The following ELOVL6 variants were observed in gnomAD, a reference collection of about 807,000 sequenced individuals.
ELOVL6 encodes very long chain fatty acid elongase 6.
ELOVL6 carries 8 observed loss-of-function variants against 31.7 expected under a neutral mutation model. The observed-to-expected ratio is 0.25, with a 90% CI of 0.15 to 0.45. The LOEUF is 0.45. Among genes scored for constraint, ELOVL6 ranks in the 20% least tolerant of loss-of-function variants. The probability of loss-of-function intolerance (pLI) is 1.00; values close to 1 mark genes in which losing one functional copy is unlikely to be tolerated. For synonymous variants in ELOVL6, 101 were observed against 117.7 expected (o/e 0.86, Z 0.92); for missense variants, 126 against 326.4 (o/e 0.39, Z 4.73).
chr4:110,085,308 G>T (rs1756227373), intron 2 of ELOVL6, among the ~76,000 whole-genome samples: 2 of 152,214 alleles, frequency 1.3e-5, no homozygotes, highest in African/African-American at 4.8e-5. Flanking sequence ...GGCCAAACAG[G>T]AAGCCAACTG....
At chr4:110,183,833 T>C (rs368610255) in intron 1 of ELOVL6, among the ~76,000 whole-genome samples, 1 of 152,136 alleles carries the variant, frequency 6.6e-6, no homozygotes, top group East Asian at 1.9e-4. Context: ...AATACAAAAA[T>C]TAGCCATGCG....
chr4:110,120,410 C>A (rs2126253461), intron 1 of ELOVL6, among the ~76,000 whole-genome samples: 1 of 151,358 alleles, frequency 6.6e-6, no homozygotes, highest in African/African-American at 2.4e-5. Context: ...AGTCTAAGGC[C>A]TTTTTTGATC....
rs1365877601 is a variant in ELOVL6, at chr4:110,051,305, C to G, written c.*33G>C. On this transcript the variant is annotated 3_prime_UTR_variant, in exon 4 of 4. Transcript: ENST00000302274. The surrounding 1 kb of genome is among the most constrained non-coding windows in gnomAD (Gnocchi z 4.8). ...TTTTGTCTATTATTTTTCTTGATGACCCTGAGCTATGGCTTCCTCCTCAGT... is the reference window on the plus strand; with the variant it reads ...TTTTGTCTATTATTTTTCTTGATGAGCCTGAGCTATGGCTTCCTCCTCAGT... 5 of 1,599,730 alleles carry G rather than the reference C, an allele frequency of 3.1e-6. No homozygotes were observed. Among genetic ancestry groups the G allele is most frequent in the Non-Finnish European group, 4.3e-6 (5 of 1,171,594 alleles).
intron 1 of ELOVL6, among the ~76,000 whole-genome samples, chr4:110,141,360 G>GCCACCC (rs1757950469): frequency 6.6e-6 from 1 of 152,144 alleles, no homozygotes; most frequent in African/African-American, 2.4e-5. Context: ...ACCGTGCCCG[G>GCCACCC]CTGGAGCATT....
chr4:110,136,516 C>A (rs1249473589), intron 1 of ELOVL6, among the ~76,000 whole-genome samples: 4 of 152,194 alleles, frequency 2.6e-5, no homozygotes, highest in African/African-American at 9.7e-5. Flanking sequence ...GAGCAATCAG[C>A]ACTTCCTTAC....
chr4:110,084,121 A>T lies in ELOVL6; in HGVS notation c.221+21376T>A, dbSNP rs1446696453. Among the ~76,000 whole-genome samples the T allele has an allele frequency of 8.4e-4, 70 of 83,804 alleles. 10 individuals carry two copies. Among genetic ancestry groups the T allele is most frequent in the African/African-American group, 3.7e-3 (47 of 12,850 alleles). The allele number at this position is 83,804 out of a possible 152,430, so 55.0% of individuals were successfully genotyped here. ...ATATATGATATATATGATATATATAACATATATGTGATAATGATATATATG... is the reference window on the plus strand; with the variant it reads ...ATATATGATATATATGATATATATATCATATATGTGATAATGATATATATG... On this transcript the variant is annotated intron_variant, in intron 2 of 3. Coordinates refer to ENST00000302274, the MANE Select transcript of ELOVL6 (RefSeq NM_024090.3).
intron 1 of ELOVL6, among the ~76,000 whole-genome samples, chr4:110,135,065 C>T (rs562414462): frequency 1.6e-4 from 24 of 152,168 alleles, no homozygotes; most frequent in African/African-American, 2.4e-4. Context: ...CACTAACAGA[C>T]GTATAAAATA....
intron 1 of ELOVL6, among the ~76,000 whole-genome samples, chr4:110,192,131 A>C (rs28629280): frequency 0.054 from 8,135 of 151,718 alleles, 248 homozygotes; most frequent in African/African-American, 0.074. Context: ...CAGAGGTTGC[A>C]GTAAGCCGAG....
At chr4:110,195,187 TA>T (rs1215344998) in intron 1 of ELOVL6, among the ~76,000 whole-genome samples, 2 of 152,116 alleles carry the variant, frequency 1.3e-5, no homozygotes, top group Non-Finnish European at 2.9e-5. Context: ...AAATAAAAAC[TA>T]AAAGCTTTAA....
chr4:110,144,277 A>T (rs1294229899), intron 1 of ELOVL6, among the ~76,000 whole-genome samples: 2 of 152,158 alleles, frequency 1.3e-5, no homozygotes, highest in Non-Finnish European at 2.9e-5. Flanking sequence ...TCCAATCAAG[A>T]ATCCTTATCT....
At chr4:110,183,809 C>G (rs1306811737) in intron 1 of ELOVL6, among the ~76,000 whole-genome samples, 1 of 152,064 alleles carries the variant, frequency 6.6e-6, no homozygotes, top group African/African-American at 2.4e-5. Context: ...TGGGGAAATC[C>G]CATCTCTACA....
In ELOVL6 at chr4:110,046,052, A is replaced by C. The variant is rs2126216671; in HGVS notation, c.*5286T>G. 1 of 152,326 alleles carries C rather than the reference A, an allele frequency of 6.6e-6. No homozygotes were observed. The highest frequency in any genetic ancestry group is 1.9e-4 in the East Asian group (1 of 5,172). The allele number at this position is 152,326 out of a possible 1,614,324, so 9.4% of individuals were successfully genotyped here. A position where few individuals can be genotyped will look rare whatever the true frequency, so the allele number is the denominator to read the frequency against. On this transcript the variant is annotated 3_prime_UTR_variant, in exon 4 of 4. Coordinates refer to ENST00000302274, the MANE Select transcript of ELOVL6 (RefSeq NM_024090.3). ...GCTGAATCTTCCAGTGGTTTTCAAG[A>C]TAGCAGCAAGCAACCTCCTGCCTGA...
At chr4:110,195,047 T>C (rs1759731917) in intron 1 of ELOVL6, among the ~76,000 whole-genome samples, 2 of 152,168 alleles carry the variant, frequency 1.3e-5, no homozygotes, top group Non-Finnish European at 2.9e-5. Context: ...GATTTTATGG[T>C]TTCCTCAAGT....
intron 2 of ELOVL6, among the ~76,000 whole-genome samples, chr4:110,071,399 T>G (rs772203896): frequency 1.3e-5 from 2 of 152,226 alleles, no homozygotes; most frequent in African/African-American, 2.4e-5. Flanking sequence ...TATACCTTAC[T>G]CCTCACTGAA....
At chr4:110,181,074 G>A (rs987428625) in intron 1 of ELOVL6, among the ~76,000 whole-genome samples, 35 of 151,878 alleles carry the variant, frequency 2.3e-4, no homozygotes, top group African/African-American at 8.5e-4. Context: ...GGCATTCGAG[G>A]TTACAGTGAG....
At chr4:110,084,572 A>ATATATATT (rs1560815849) in intron 2 of ELOVL6, among the ~76,000 whole-genome samples, 9 of 42,374 alleles carry the variant, frequency 2.1e-4, no homozygotes, top group African/African-American at 1.6e-3. Context: ...AGATATATAT[A>ATATATATT]TATATATATA....
chr4:110,063,968 C>T (rs1188868547), intron 2 of ELOVL6, among the ~76,000 whole-genome samples: 5 of 150,526 alleles, frequency 3.3e-5, no homozygotes, highest in Non-Finnish European at 5.9e-5. Flanking sequence ...ATCCTAGCTA[C>T]TTGGGAGGGT....
intron 1 of ELOVL6, among the ~76,000 whole-genome samples, chr4:110,184,777 C>T (rs1011164287): frequency 5.9e-5 from 9 of 152,098 alleles, no homozygotes; most frequent in Non-Finnish European, 1.0e-4. Context: ...ACTGGTCCCA[C>T]ATAGATGACA....
rs1375871465 is a variant in ELOVL6 at position 110,050,958 on chromosome 4, TTTCATCTTA to T, written c.*371_*379del. On this transcript the variant is annotated 3_prime_UTR_variant, in exon 4 of 4. Coordinates refer to ENST00000302274, the MANE Select transcript of ELOVL6 (RefSeq NM_024090.3). ...TCGCACAGTTTCTAGAGTAAAAATC[TTTCATCTTA>T]GAGAAATGTGACACTTAGTAAATAC... 1 of 208,076 alleles carries T rather than the reference TTTCATCTTA, an allele frequency of 4.8e-6. No individual in the cohort carries two copies. Among genetic ancestry groups the T allele is most frequent in the Non-Finnish European group, 9.8e-6 (1 of 102,312 alleles). 12.9% of individuals were successfully genotyped at this position (208,076 alleles called of 1,614,324 possible).
Sources: gnomAD v4.1 joint callset for allele counts (sites outside exome capture counted in the v4.1 genomes callset) on GRCh38, gnomAD v4.1.1 for gene constraint, Gnocchi (gnomAD v3.1) non-coding constraint, MANE v1.5 for transcripts, NCBI Gene and HGNC (gene_info 2026-07-23, HGNC 2026-07-21) for gene names.